The following PRR5L variants were observed in gnomAD, a reference collection of about 807,000 sequenced individuals.
PRR5L encodes the protein proline-rich protein 5-like.
A neutral mutation model predicts 36.4 loss-of-function variants in PRR5L; 21 were observed. The observed-to-expected ratio is 0.58, with a 90% CI of 0.41 to 0.83. The LOEUF (loss-of-function observed/expected upper bound fraction) is 0.83, where lower values mean the gene tolerates loss of function less well. Ranked by LOEUF, PRR5L falls within the 40% of genes least tolerant of loss-of-function variation. The pLI, the probability that PRR5L is intolerant of heterozygous loss-of-function variation, is 0.00. For missense variants in PRR5L, 381 were observed against 473.3 expected (o/e 0.80, Z 1.81); for synonymous variants, 188 against 197.0 (o/e 0.95, Z 0.38).
At chr11:36,306,688 A>G in intron 1 of PRR5L, among the ~76,000 whole-genome samples, 1 of 152,052 alleles carries the variant, frequency 6.6e-6, no homozygotes, top group East Asian at 1.9e-4. Flanking sequence ...TTACCAATGC[A>G]CCCTCCAAGA....
intron 4 of PRR5L, among the ~76,000 whole-genome samples, chr11:36,427,295 G>T (rs761352023): frequency 3.3e-5 from 5 of 152,234 alleles, no homozygotes; most frequent in African/African-American, 4.8e-5. Context: ...GGTGGGGAGA[G>T]GATGCATTAA....
At chr11:36,404,146 T>C (rs930430303) in intron 3 of PRR5L, among the ~76,000 whole-genome samples, 2 of 152,084 alleles carry the variant, frequency 1.3e-5, no homozygotes, top group African/African-American at 4.8e-5. Context: ...TCCATGTGCA[T>C]AGAGCACCAG....
In PRR5L at chr11:36,464,686, CAG is replaced by C. The variant is rs1859259863; in HGVS notation, c.*1951_*1952del. The C allele has an allele frequency of 6.6e-6, 1 of 152,122 alleles. No homozygotes were observed. Among genetic ancestry groups the C allele is most frequent in the African/African-American group, 2.4e-5 (1 of 41,408 alleles). The allele number at this position is 152,122 out of a possible 1,614,324, so 9.4% of individuals were successfully genotyped here. A position where few individuals can be genotyped will look rare whatever the true frequency, so the allele number is the denominator to read the frequency against. ...CATTTGAGACTAGTATTTATTGATC[CAG>C]GCAAAGTAATTAATTAATCATGCTT... On this transcript the variant is annotated 3_prime_UTR_variant, in exon 9 of 9. Coordinates refer to ENST00000530639, the MANE Select transcript of PRR5L (RefSeq NM_001160167.2).
intron 1 of PRR5L, among the ~76,000 whole-genome samples, chr11:36,370,891 A>AAAAAAC (rs10679720): frequency 1.3e-5 from 2 of 151,032 alleles, no homozygotes; most frequent in East Asian, 1.9e-4. Flanking sequence ...AAAAAAAAAA[A>AAAAAAC]CAAACAAAAG....
chr11:36,460,581 C>G (rs918001290), intron 8 of PRR5L, among the ~76,000 whole-genome samples: 4 of 152,248 alleles, frequency 2.6e-5, no homozygotes, highest in Non-Finnish European at 5.9e-5. Context: ...CACTTTGACA[C>G]TGATGTTAGC....
intron 6 of PRR5L, among the ~76,000 whole-genome samples, chr11:36,439,737 C>G (rs1374426634): frequency 6.6e-6 from 1 of 152,188 alleles, no homozygotes; most frequent in East Asian, 1.9e-4. Flanking sequence ...GTGCCTTCCT[C>G]CTCCTTTTTG....
At chr11:36,433,948 G>A (rs533850441) in intron 5 of PRR5L, among the ~76,000 whole-genome samples, 5 of 152,322 alleles carry the variant, frequency 3.3e-5, no homozygotes, top group Admixed American at 3.3e-4. Flanking sequence ...TTGTATGTAT[G>A]TTATCTGGGG....
At chr11:36,314,169 C>T (rs1346320013) in intron 1 of PRR5L, among the ~76,000 whole-genome samples, 1 of 152,144 alleles carries the variant, frequency 6.6e-6, no homozygotes, top group African/African-American at 2.4e-5. Context: ...TGTTTAGTAC[C>T]TGGTACTAAA....
chr11:36,405,145 C>G (rs1324770293), intron 3 of PRR5L, among the ~76,000 whole-genome samples: 1 of 152,026 alleles, frequency 6.6e-6, no homozygotes, highest in East Asian at 1.9e-4. Flanking sequence ...CCCAGGTAGC[C>G]CAGGAGCTGC....
chr11:36,308,636 G>A (rs1047722220), intron 1 of PRR5L, among the ~76,000 whole-genome samples: 6 of 152,332 alleles, frequency 3.9e-5, no homozygotes, highest in Middle Eastern at 6.8e-3. Flanking sequence ...AATTTTAGCT[G>A]ATGTGATAGA....
chr11:36,435,376 A>G (rs1858582718), intron 5 of PRR5L, among the ~76,000 whole-genome samples: 1 of 152,216 alleles, frequency 6.6e-6, no homozygotes, highest in Non-Finnish European at 1.5e-5. Context: ...ACATGAATCA[A>G]ATCATCACCA....
intron 1 of PRR5L, among the ~76,000 whole-genome samples, chr11:36,318,319 CTTTTT>C (rs1048399589): frequency 1.8e-4 from 28 of 152,130 alleles, no homozygotes; most frequent in African/African-American, 6.0e-4. Context: ...CTTTGCTTTA[CTTTTT>C]TAAGTCAATA....
intron 1 of PRR5L, among the ~76,000 whole-genome samples, chr11:36,343,179 G>A (rs1369078919): frequency 6.6e-6 from 1 of 152,178 alleles, no homozygotes; most frequent in African/African-American, 2.4e-5. Context: ...AGAATTCCAT[G>A]TTGATCAGAA....
intron 1 of PRR5L, among the ~76,000 whole-genome samples, chr11:36,320,506 A>T (rs1856604753): frequency 6.6e-6 from 1 of 151,794 alleles, no homozygotes; most frequent in Non-Finnish European, 1.5e-5. Flanking sequence ...TTAATCTCTG[A>T]GACGACGCTC....
At chr11:36,384,332 A>G (rs1857420982) in intron 1 of PRR5L, among the ~76,000 whole-genome samples, 4 of 152,170 alleles carry the variant, frequency 2.6e-5, no homozygotes, top group Admixed American at 2.0e-4. Context: ...TCAGTTGTCC[A>G]TCTTCAATTA....
intron 3 of PRR5L, among the ~76,000 whole-genome samples, chr11:36,413,364 A>C (rs34096374): frequency 0.13 from 19,603 of 152,052 alleles, 1,364 homozygotes; most frequent in African/African-American, 0.17. Flanking sequence ...TGATGTCATG[A>C]CCTTGGTAGG....
intron 8 of PRR5L, among the ~76,000 whole-genome samples, chr11:36,451,580 G>A (rs1156320566): frequency 6.6e-6 from 1 of 152,212 alleles, no homozygotes; most frequent in South Asian, 2.1e-4. Context: ...TGCCTTTGCG[G>A]TGGTGCTTGT....
In PRR5L at chr11:36,344,435, T is replaced by C. The variant is rs546844699; in HGVS notation, c.-126+47997T>C. On this transcript the variant is annotated intron_variant, in intron 1 of 8. Transcript: ENST00000530639. The surrounding 1 kb of genome is among the most constrained non-coding windows in gnomAD (Gnocchi z 4.1). ...TATTTCTTGATATTATTAAAAGTTA[T>C]TGACATCATTTTTAAGGCAAACATA... 1.3e-5 allele frequency among the ~76,000 whole-genome samples: 2 copies of C among 152,362 alleles called. No homozygotes were observed. The highest frequency in any genetic ancestry group is 4.1e-4 in the South Asian group (2 of 4,830).
At chr11:36,368,694 C>T (rs1324747541) in intron 1 of PRR5L, among the ~76,000 whole-genome samples, 1 of 152,212 alleles carries the variant, frequency 6.6e-6, no homozygotes, top group African/African-American at 2.4e-5. Flanking sequence ...AAGAATCCAA[C>T]TGTCTTCTAT....
Sources: allele counts gnomAD v4.1 joint callset (sites outside exome capture counted in the v4.1 genomes callset), GRCh38; gene constraint gnomAD v4.1.1; non-coding constraint Gnocchi (gnomAD v3.1); transcripts MANE v1.5; gene names NCBI Gene and HGNC (gene_info 2026-07-23, HGNC 2026-07-21).